The following AGBL2 variants were observed in gnomAD, a reference collection of about 807,000 sequenced individuals.
AGBL2 encodes cytosolic carboxypeptidase 2.
Under a neutral mutation model 103.0 loss-of-function variants are expected in AGBL2, and 87 were observed. The ratio of observed to expected loss-of-function variants is 0.84; its 90% CI spans 0.71 to 1.01. The LOEUF (loss-of-function observed/expected upper bound fraction) is 1.01. Among genes scored for constraint, AGBL2 ranks in the 50% least tolerant of loss-of-function variants. The pLI is 0.00. For missense variants in AGBL2, 904 were observed against 1,023.5 expected, an observed-to-expected ratio of 0.88 and a Z score of 1.59; for synonymous variants, 335 against 356.7, an observed-to-expected ratio of 0.94 and a Z score of 0.69.
At position 47,714,319 on chromosome 11, in the gene AGBL2, A is replaced by G. The variant is rs775800044; in HGVS notation, c.62T>C (p.Met21Thr). ...QTIPDPYEDF[M>T]YRHLQYYGYF... ...GCCATAATATTGGAGGTGACGGTAC[A>G]TAAAGTCTTCATAAGGATCAGGAAT... is the stretch of plus-strand genomic sequence containing the variant. The change falls in exon 3 of 19, where the codon ATG becomes ACG. Residue 21 changes from methionine to threonine, a missense_variant. Met to Thr is a moderately conservative substitution (Grantham distance 81). Transcript: ENST00000525123. The G allele has an allele frequency of 6.2e-7, 1 of 1,613,096 alleles. No homozygotes were observed. The highest frequency in any genetic ancestry group is 1.1e-5 in the South Asian group (1 of 91,028).
At chr11:47,703,941 C>CA (rs368298009) in intron 7 of AGBL2, among the ~76,000 whole-genome samples, 29,288 of 115,310 alleles carry the variant, frequency 0.25, 4,013 homozygotes, top group South Asian at 0.49. Flanking sequence ...AAAAAAAAAA[C>CA]AAAAAAAAAA....
intron 14 of AGBL2, among the ~76,000 whole-genome samples, chr11:47,669,877 C>T (rs529480324): frequency 9.9e-5 from 15 of 152,256 alleles, no homozygotes; most frequent in Admixed American, 9.2e-4. Context: ...TCCCAAAGTG[C>T]TGGGATAACA....
At chr11:47,687,927 C>T (rs935187423) in intron 10 of AGBL2, among the ~76,000 whole-genome samples, 6 of 151,570 alleles carry the variant, frequency 4.0e-5, no homozygotes, top group Non-Finnish European at 8.8e-5. Context: ...AGTGCTTCAG[C>T]CTCCTGAGTA....
intron 18 of AGBL2, among the ~76,000 whole-genome samples, chr11:47,661,466 C>T (rs1217410168): frequency 6.6e-6 from 1 of 152,150 alleles, no homozygotes; most frequent in African/African-American, 2.4e-5. Context: ...GACTATCAGT[C>T]TTGTCACTCC....
chr11:47,671,963 G>A (rs2097358934), intron 14 of AGBL2, among the ~76,000 whole-genome samples: 1 of 152,178 alleles, frequency 6.6e-6, no homozygotes, highest in African/African-American at 2.4e-5. Flanking sequence ...GAACCCCACT[G>A]GAGACTGTGA....
In AGBL2 at chr11:47,677,148, C is replaced by T. The variant is rs577698835; in HGVS notation, c.2147+123G>A. 7.6e-6 allele frequency: 6 copies of T among 791,114 alleles called. No homozygotes were observed. In the Admixed American group the frequency reaches 1.1e-4, roughly 15 times the overall value. 49.0% of individuals were successfully genotyped at this position (791,114 alleles called of 1,614,324 possible). ...TCAGCCTCCCCAGTGTCTGGGACTA[C>T]AGGCATAGATCACCAAGCCCAGCTA... On this transcript the variant is annotated intron_variant, in intron 14 of 18. Transcript: ENST00000525123.
chr11:47,684,177 G>A (rs1295361266), intron 11 of AGBL2, among the ~76,000 whole-genome samples: 2 of 152,124 alleles, frequency 1.3e-5, no homozygotes, highest in East Asian at 3.8e-4. Context: ...GGAGGCTGAG[G>A]CAGGAGAATT....
rs376669440 is a variant in AGBL2 at position 47,690,606 on chromosome 11, C to T, written c.1101G>A (p.Thr367=). ...GNEIKYYKNN[T]DDGQQPFYCL... ...AGTAGAAGGGCTGCTGCCCATCATC[C>T]GTGTTGTTCTTGTAGTACTTGATTT... The change falls in exon 10 of 19, where the codon ACG becomes ACA. Residue 367 remains threonine (T), a synonymous_variant. Transcript: ENST00000525123. 246 of 1,614,010 alleles carry T rather than the reference C, an allele frequency of 1.5e-4. No individual in the cohort carries two copies. The highest frequency in any genetic ancestry group is 1.9e-4 in the Non-Finnish European group (227 of 1,180,038).
chr11:47,704,447 C>T, intron 7 of AGBL2, 96 bp downstream of exon 7: 2 of 1,086,682 alleles, frequency 1.8e-6, no homozygotes, highest in Non-Finnish European at 2.6e-6. Context: ...TGCGCCATTG[C>T]ACTCCAGCCT....
intron 8 of AGBL2, among the ~76,000 whole-genome samples, chr11:47,697,967 T>G (rs2097482781): frequency 6.6e-6 from 1 of 150,892 alleles, no homozygotes; most frequent in Non-Finnish European, 1.5e-5. Flanking sequence ...GTTTAAACGA[T>G]TCTCCTGCCT....
chr11:47,690,854 T>C lies in AGBL2; in HGVS notation c.853A>G (p.Thr285Ala), dbSNP rs1233338781. ...GNLQKAVRVD[T>A]YEYELTLRTD... is the part of the protein sequence containing the mutation. ...CGCAAGGTGAGTTCATACTCATAGGTGTCTCTGTAATGGAGAAAATAGAAC... is the reference window on the plus strand; with the variant it reads ...CGCAAGGTGAGTTCATACTCATAGGCGTCTCTGTAATGGAGAAAATAGAAC... The change falls in exon 10 of 19, where the codon ACC becomes GCC. Residue 285 changes from threonine to alanine, a missense_variant. Transcript: ENST00000525123. 5 of 1,607,376 alleles carry C rather than the reference T, an allele frequency of 3.1e-6. No individual in the cohort carries two copies. Among genetic ancestry groups the C allele is most frequent in the Non-Finnish European group, 3.4e-6 (4 of 1,178,844 alleles).
intron 4 of AGBL2, among the ~76,000 whole-genome samples, chr11:47,707,440 TTAAA>T (rs1401154033): frequency 2.6e-5 from 4 of 152,190 alleles, no homozygotes; most frequent in African/African-American, 9.7e-5. Context: ...AAGTCATGTC[TTAAA>T]TAAATGGCAC....
At chr11:47,689,063 T>C (rs1045229145) in intron 10 of AGBL2, among the ~76,000 whole-genome samples, 6 of 152,210 alleles carry the variant, frequency 3.9e-5, no homozygotes, top group African/African-American at 1.4e-4. Context: ...TGTATTTTCA[T>C]TTCCAATGGC....
intron 17 of AGBL2, among the ~76,000 whole-genome samples, chr11:47,664,210 A>G (rs1257427827): frequency 1.3e-5 from 2 of 151,176 alleles, no homozygotes; most frequent in Non-Finnish European, 2.9e-5. Flanking sequence ...TTTGCACCCT[A>G]TCCCCTAAGA....
intron 4 of AGBL2, among the ~76,000 whole-genome samples, chr11:47,707,741 C>G (rs1156471787): frequency 6.6e-6 from 1 of 152,136 alleles, no homozygotes; most frequent in African/African-American, 2.4e-5. Context: ...CTAACCTACA[C>G]TACGTATAAG....
At chr11:47,682,151 A>G (rs1418614304) in intron 11 of AGBL2, 56 bp from the exon 12 acceptor site, 3 of 1,504,290 alleles carry the variant, frequency 2.0e-6, no homozygotes, top group East Asian at 4.6e-5. Flanking sequence ...TAAAATATCT[A>G]AGATTCATTA....
At chr11:47,673,933 C>T (rs1225283622) in intron 14 of AGBL2, among the ~76,000 whole-genome samples, 2 of 148,090 alleles carry the variant, frequency 1.4e-5, no homozygotes, top group Non-Finnish European at 3.0e-5. Context: ...AACCGCATCT[C>T]TACTAAAAAT....
In AGBL2 at chr11:47,667,749, C is replaced by CCCACATGTG. The variant is rs1039907067; in HGVS notation, c.2215-62_2215-54dup. On this transcript the variant is annotated intron_variant, in intron 15 of 18. Coordinates refer to ENST00000525123, the MANE Select transcript of AGBL2 (RefSeq NM_024783.4). The stretch of plus-strand genomic sequence containing the variant: ...ATTGAAGATTCCAGAACTAGGCCCA[C>CCCACATGTG]CCACATGTGGCACTCTTCATGCAAC... The CCCACATGTG allele has an allele frequency of 1.9e-6, 3 of 1,583,904 alleles. No homozygotes were observed. In the Admixed American group the frequency reaches 5.4e-5, roughly 29 times the overall value.
At chr11:47,674,133 A>G (rs2097366366) in intron 14 of AGBL2, among the ~76,000 whole-genome samples, 1 of 152,116 alleles carries the variant, frequency 6.6e-6, no homozygotes, top group South Asian at 2.1e-4. Context: ...GTAAAGACTT[A>G]AATGATACAG....
Sources: allele counts gnomAD v4.1 joint callset (sites outside exome capture counted in the v4.1 genomes callset), GRCh38; gene constraint gnomAD v4.1.1; transcripts MANE v1.5; gene names NCBI Gene and HGNC (gene_info 2026-07-23, HGNC 2026-07-21).